The following NR1D2 variants were observed in gnomAD, a reference collection of about 807,000 sequenced individuals.
NR1D2 encodes nuclear receptor subfamily 1 group D member 2, also known as V-erbA-related protein 1-related.
A neutral mutation model predicts 52.2 loss-of-function variants in NR1D2; 25 were observed. That is an observed-to-expected ratio of 0.48 (90% CI 0.35 to 0.67). NR1D2 has a LOEUF of 0.67. Ranked by LOEUF, NR1D2 falls within the 30% of genes least tolerant of loss-of-function variation. The probability of loss-of-function intolerance (pLI) is 0.01; values close to 1 mark genes in which losing one functional copy is unlikely to be tolerated. For missense variants in NR1D2, 681 were observed against 707.2 expected (o/e 0.96, Z 0.42); for synonymous variants, 259 against 230.1 (o/e 1.13, Z -1.14).
At chr3:23,974,088 C>CTTTTTTTTTTTTTTTTTTT (rs60587118) in intron 7 of NR1D2, among the ~76,000 whole-genome samples, 1 of 79,508 alleles carries the variant, frequency 1.3e-5, no homozygotes, top group East Asian at 3.9e-4. Context: ...TTACAGTTAC[C>CTTTTTTTTTTTTTTTTTTT]TTTTTTTTTT....
chr3:23,950,222 A>G (rs534037512), intron 1 of NR1D2, among the ~76,000 whole-genome samples: 1 of 152,256 alleles, frequency 6.6e-6, no homozygotes, highest in African/African-American at 2.4e-5. Flanking sequence ...ATTTTATAGA[A>G]GACCACTCAG....
chr3:23,945,615 G>T (rs1206909515), intron 1 of NR1D2, 21 bp downstream of exon 1: 2 of 1,177,942 alleles, frequency 1.7e-6, no homozygotes, highest in Non-Finnish European at 2.1e-6. Context: ...GACTGCGGCG[G>T]GTGGGGGATG....
intron 1 of NR1D2, among the ~76,000 whole-genome samples, chr3:23,949,114 C>A (rs774110914): frequency 6.6e-6 from 1 of 152,090 alleles, no homozygotes; most frequent in African/African-American, 2.4e-5. Context: ...GCCTGTAATC[C>A]TAGCAATCTG....
At chr3:23,958,642 T>TAA (rs35959367) in intron 3 of NR1D2, among the ~76,000 whole-genome samples, 149 of 98,066 alleles carry the variant, frequency 1.5e-3, no homozygotes, top group African/African-American at 4.3e-3. Context: ...CCTGTCTCTT[T>TAA]AAAAAAAAAA....
Position 23,954,246 on chromosome 3 carries a change from C to T in NR1D2, c.17-291C>T, listed in dbSNP as rs1303794784. On this transcript the variant is annotated intron_variant, in intron 1 of 7. Coordinates refer to ENST00000312521, the MANE Select transcript of NR1D2 (RefSeq NM_005126.5). ...CTGGTCTCAAATTCCTAGGCTCAAG[C>T]GACAATCCTCCCACCTCAGCCCCCA... Among the ~76,000 whole-genome samples, 8 of 152,274 alleles carry T rather than the reference C, an allele frequency of 5.3e-5. No homozygotes were observed. The East Asian group carries it at 7.7e-4, about 15-fold the overall frequency.
At chr3:23,963,015 G>GT (rs560624460) in intron 5 of NR1D2, among the ~76,000 whole-genome samples, 2,428 of 140,880 alleles carry the variant, frequency 0.017, 47 homozygotes, top group African/African-American at 0.05. Flanking sequence ...ATAGAAAGAG[G>GT]TTTTTTTTTT....
chr3:23,945,671 G>A (rs1705646601), intron 1 of NR1D2, 77 bp downstream of exon 1: 3 of 972,622 alleles, frequency 3.1e-6, no homozygotes, highest in African/African-American at 1.7e-5. Context: ...GGGGGGCGGC[G>A]GCAGGGGGTG....
chr3:23,960,246 CA>C (rs199961854), intron 4 of NR1D2, among the ~76,000 whole-genome samples: 1 of 150,790 alleles, frequency 6.6e-6, no homozygotes, highest in African/African-American at 2.4e-5. Context: ...ACTAAAAATG[CA>C]AAAAAAAATT....
intron 4 of NR1D2, among the ~76,000 whole-genome samples, chr3:23,961,232 C>G (rs918318625): frequency 3.9e-5 from 6 of 151,952 alleles, no homozygotes; most frequent in Non-Finnish European, 5.9e-5. Context: ...TTTCACCTAC[C>G]AGATTCCATT....
chr3:23,958,224 C>T (rs1287119923), intron 3 of NR1D2, among the ~76,000 whole-genome samples: 2 of 152,180 alleles, frequency 1.3e-5, no homozygotes, highest in Non-Finnish European at 2.9e-5. Context: ...TGATTTCTGT[C>T]ATGTATAAGT....
intron 1 of NR1D2, chr3:23,946,689 G>T (rs1705729245): frequency 1.3e-5 from 2 of 152,200 alleles, no homozygotes; most frequent in East Asian, 3.9e-4. Context: ...ATGTAAGACT[G>T]GACATTCTTC....
At chr3:23,961,318 G>A (rs138924328) in intron 4 of NR1D2, among the ~76,000 whole-genome samples, 359 of 150,078 alleles carry the variant, frequency 2.4e-3, no homozygotes, top group African/African-American at 8.4e-3. Context: ...GTAAGGAGCT[G>A]TGTAGTAATA....
chr3:23,959,189 G>A (rs934673223), intron 3 of NR1D2, among the ~76,000 whole-genome samples: 3 of 151,650 alleles, frequency 2.0e-5, no homozygotes, highest in African/African-American at 7.3e-5. Flanking sequence ...AATTGAGCCA[G>A]GGAGGTCAGG....
intron 1 of NR1D2, among the ~76,000 whole-genome samples, chr3:23,950,261 G>A (rs1327741684): frequency 6.6e-6 from 1 of 152,208 alleles, no homozygotes; most frequent in Non-Finnish European, 1.5e-5. Flanking sequence ...TGACTTGCTT[G>A]CTCAGGTCTT....
chr3:23,967,995 G>A lies in NR1D2; in HGVS notation c.1515G>A (p.Leu505=). The A allele has an allele frequency of 6.2e-7, 1 of 1,614,126 alleles. No homozygotes were observed. Among genetic ancestry groups the A allele is most frequent in the South Asian group, 1.1e-5 (1 of 91,082 alleles). ...ALQLSDEEMS[L]FTAVVLVSAD... is the part of the protein sequence containing the mutation. ...AACTTAGTGATGAAGAGATGAGTTT[G>A]TTTACAGCTGTTGTCCTGGTATCTG... The change falls in exon 7 of 8, where the codon TTG becomes TTA. Residue 505 remains leucine, a synonymous_variant. Coordinates refer to ENST00000312521, the MANE Select transcript of NR1D2 (RefSeq NM_005126.5).
intron 7 of NR1D2, among the ~76,000 whole-genome samples, chr3:23,968,946 C>T (rs1042034109): frequency 1.3e-5 from 2 of 152,128 alleles, no homozygotes; most frequent in Admixed American, 1.3e-4. Flanking sequence ...AAGTTACGGC[C>T]TCTGATTATG....
chr3:23,970,441 T>C (rs1706557339), intron 7 of NR1D2, among the ~76,000 whole-genome samples: 1 of 152,162 alleles, frequency 6.6e-6, no homozygotes, highest in African/African-American at 2.4e-5. Flanking sequence ...TTAATATGGG[T>C]TCTTTGAAAA....
chr3:23,957,390 CTTTTTTTTTTT>C (rs201651739), intron 3 of NR1D2, among the ~76,000 whole-genome samples: 3 of 110,560 alleles, frequency 2.7e-5, no homozygotes, highest in East Asian at 2.8e-4. Flanking sequence ...CTCTATATAT[CTTTTTTTTTTT>C]TTTTTTTTTT....
intron 1 of NR1D2, among the ~76,000 whole-genome samples, chr3:23,945,939 C>A (rs1375138671): frequency 6.6e-6 from 1 of 150,436 alleles, no homozygotes; most frequent in African/African-American, 2.4e-5. Context: ...ACATAATGGG[C>A]GCTGAGGCGG....
Sources: allele counts gnomAD v4.1 joint callset (sites outside exome capture counted in the v4.1 genomes callset), GRCh38; gene constraint gnomAD v4.1.1; transcripts MANE v1.5; gene names NCBI Gene and HGNC (gene_info 2026-07-23, HGNC 2026-07-21).